TMTC1: variants seen among roughly 807,000 people sequenced by gnomAD.
The protein encoded by TMTC1 is transmembrane O-mannosyltransferase targeting cadherins 1.
Under a neutral mutation model 104.8 loss-of-function variants are expected in TMTC1, and 73 were observed. The observed-to-expected ratio is 0.70, with a 90% CI of 0.58 to 0.85. The LOEUF (loss-of-function observed/expected upper bound fraction) is 0.85. TMTC1 is among the 40% of genes least tolerant of loss of function. The probability of loss-of-function intolerance (pLI) is 0.00; values close to 1 mark genes in which losing one functional copy is unlikely to be tolerated. For missense variants in TMTC1, 1,035 were observed against 1,096.1 expected, an observed-to-expected ratio of 0.94 and a Z score of 0.79; for synonymous variants, 434 against 428.7, an observed-to-expected ratio of 1.01 and a Z score of -0.15.
At chr12:29,555,134 CTT>C (rs77513599) in intron 10 of TMTC1, among the ~76,000 whole-genome samples, 110 of 88,196 alleles carry the variant, frequency 1.2e-3, no homozygotes, top group African/African-American at 5.0e-3. Context: ...TTCCAACATC[CTT>C]TTTTTTTTTT....
At chr12:29,680,290 G>A (rs1315127496) in intron 5 of TMTC1, among the ~76,000 whole-genome samples, 1 of 152,184 alleles carries the variant, frequency 6.6e-6, no homozygotes, top group Non-Finnish European at 1.5e-5. Flanking sequence ...TAGAAACAGT[G>A]AGCTATCCAG....
At chr12:29,563,335 G>A (rs1184111676) in intron 9 of TMTC1, among the ~76,000 whole-genome samples, 2 of 152,190 alleles carry the variant, frequency 1.3e-5, no homozygotes, top group Non-Finnish European at 2.9e-5. Flanking sequence ...ACAGATCAGT[G>A]TGCACCTGGG....
chr12:29,700,325 C>T (rs907748868), intron 5 of TMTC1, among the ~76,000 whole-genome samples: 5 of 151,464 alleles, frequency 3.3e-5, no homozygotes, highest in East Asian at 1.9e-4. Context: ...CTCCGCCTCC[C>T]GGGTTCACGC....
At chr12:29,582,247 T>C (rs531899414) in intron 8 of TMTC1, among the ~76,000 whole-genome samples, 1 of 152,338 alleles carries the variant, frequency 6.6e-6, no homozygotes, top group Admixed American at 6.5e-5. Flanking sequence ...TTCATTCATA[T>C]TTGGCAGCCC....
chr12:29,583,408 T>C lies in TMTC1; in HGVS notation c.1417A>G (p.Arg473Gly). ...TTATTTTTATCTGTCTAGTCATACC[T>C]GAATAGGGACTCTCTTGACAGCCAA... ...EIWLSRESLFRSGVQTLPHNA... is the reference protein window; with the variant it reads ...EIWLSRESLFGSGVQTLPHNA... Residue 473 changes from arginine to glycine, a missense_variant and splice_region_variant, in exon 8 of 18, where the codon AGG becomes GGG. Transcript: ENST00000539277. 3 of 1,613,728 alleles carry C rather than the reference T, an allele frequency of 1.9e-6. No homozygotes were observed. Among genetic ancestry groups the C allele is most frequent in the Non-Finnish European group, 2.5e-6 (3 of 1,179,744 alleles).
intron 5 of TMTC1, among the ~76,000 whole-genome samples, chr12:29,699,960 TCC>T (rs1432987169): frequency 6.6e-6 from 1 of 152,072 alleles, no homozygotes; most frequent in Non-Finnish European, 1.5e-5. Flanking sequence ...GTAGCTTTGA[TCC>T]CTCTCCTTCA....
At chr12:29,666,143 T>C (rs1380427175) in intron 5 of TMTC1, 14 of 430,146 alleles carry the variant, frequency 3.3e-5, no homozygotes, top group Non-Finnish European at 1.4e-5. Flanking sequence ...TTAACACATA[T>C]AGCAAGATGA....
chr12:29,586,616 C>T (rs2136340510), intron 7 of TMTC1, among the ~76,000 whole-genome samples: 1 of 151,986 alleles, frequency 6.6e-6, no homozygotes, highest in East Asian at 1.9e-4. Context: ...CCCATCAATA[C>T]CTAATTTATT....
At chr12:29,737,445 C>T (rs1378933795) in intron 5 of TMTC1, among the ~76,000 whole-genome samples, 2 of 151,894 alleles carry the variant, frequency 1.3e-5, no homozygotes, top group Middle Eastern at 3.2e-3. Flanking sequence ...ACCTGGGAGG[C>T]GGGGGTTGCG....
chr12:29,765,371 T>C (rs1943439898), intron 2 of TMTC1, among the ~76,000 whole-genome samples: 1 of 152,144 alleles, frequency 6.6e-6, no homozygotes, highest in African/African-American at 2.4e-5. Context: ...CATCTTCCAT[T>C]TACCTAAACA....
chr12:29,590,196 A>G (rs1946242832), intron 7 of TMTC1, among the ~76,000 whole-genome samples: 1 of 151,818 alleles, frequency 6.6e-6, no homozygotes, highest in African/African-American at 2.4e-5. Context: ...AAAAAAAAAA[A>G]CCTTTATCTG....
At chr12:29,781,175 G>A (rs1943827850) in intron 1 of TMTC1, among the ~76,000 whole-genome samples, 1 of 152,196 alleles carries the variant, frequency 6.6e-6, no homozygotes, top group Non-Finnish European at 1.5e-5. Context: ...ATCAATGCAT[G>A]TGAGGACAGA....
At chr12:29,677,835 A>G (rs961187954) in intron 5 of TMTC1, among the ~76,000 whole-genome samples, 1 of 152,268 alleles carries the variant, frequency 6.6e-6, no homozygotes, top group Non-Finnish European at 1.5e-5. Context: ...TGCCCCACAC[A>G]TGCAAAAGCA....
At chr12:29,600,010 T>TATATATATA (rs71985661) in intron 7 of TMTC1, among the ~76,000 whole-genome samples, 28 of 96,332 alleles carry the variant, frequency 2.9e-4, no homozygotes, top group East Asian at 7.6e-4. Flanking sequence ...ATATATATAT[T>TATATATATA]TTTTTTTTTT....
intron 6 of TMTC1, among the ~76,000 whole-genome samples, chr12:29,614,554 G>C (rs1049005959): frequency 1.3e-5 from 2 of 152,184 alleles, no homozygotes; most frequent in African/African-American, 4.8e-5. Context: ...CCTATGTTTG[G>C]AAATGGTATC....
intron 8 of TMTC1, among the ~76,000 whole-genome samples, chr12:29,579,525 A>C (rs1945917862): frequency 6.6e-6 from 1 of 152,156 alleles, no homozygotes; most frequent in Non-Finnish European, 1.5e-5. Context: ...CATAAATGTT[A>C]ATTGCTGGTC....
chr12:29,669,723 T>A (rs1940432675), intron 5 of TMTC1, among the ~76,000 whole-genome samples: 1 of 152,240 alleles, frequency 6.6e-6, no homozygotes, highest in Non-Finnish European at 1.5e-5. Context: ...TTGGTATATA[T>A]AAAAACTTGC....
At chr12:29,646,144 A>C (rs1402517567) in intron 5 of TMTC1, among the ~76,000 whole-genome samples, 1 of 152,190 alleles carries the variant, frequency 6.6e-6, no homozygotes, top group East Asian at 1.9e-4. Context: ...CTCATGGAGA[A>C]GCACCCGCCT....
At chr12:29,593,977 A>G (rs1233652368) in intron 7 of TMTC1, among the ~76,000 whole-genome samples, 1 of 152,166 alleles carries the variant, frequency 6.6e-6, no homozygotes, top group Non-Finnish European at 1.5e-5. Context: ...AAATCCATCA[A>G]TCCAAGTTGA....
Sources: gnomAD v4.1 joint callset for allele counts (sites outside exome capture counted in the v4.1 genomes callset) on GRCh38, gnomAD v4.1.1 for gene constraint, MANE v1.5 for transcripts, NCBI Gene and HGNC (gene_info 2026-07-23, HGNC 2026-07-21) for gene names.